NRF1: variants seen among roughly 807,000 people sequenced by gnomAD.
The protein encoded by NRF1 is alpha palindromic-binding protein.
Under a neutral mutation model 58.5 loss-of-function variants are expected in NRF1, and 5 were observed. The observed-to-expected ratio is 0.09, with a 90% confidence interval of 0.04 to 0.18. The LOEUF (loss-of-function observed/expected upper bound fraction) is 0.18. Ranked by LOEUF, NRF1 falls within the 10% of genes least tolerant of loss-of-function variation. NRF1 has a pLI of 1.00. For synonymous variants in NRF1, 224 were observed against 246.7 expected (o/e 0.91, Z 0.86); for missense variants, 288 against 657.7 (o/e 0.44, Z 6.15).
chr7:129,721,396 A>T (rs1368659789), intron 9 of NRF1, among the ~76,000 whole-genome samples: 2 of 152,036 alleles, frequency 1.3e-5, no homozygotes, highest in Non-Finnish European at 2.9e-5. Flanking sequence ...CCTCTTCTCA[A>T]GGAATTTTAG....
At chr7:129,645,047 A>T (rs1288191230) in intron 1 of NRF1, among the ~76,000 whole-genome samples, 1 of 120,598 alleles carries the variant, frequency 8.3e-6, no homozygotes, top group African/African-American at 3.5e-5. Context: ...CACCCAGTGT[A>T]AAAAAAAAAA....
At chr7:129,718,610 C>T (rs1433959827) in intron 9 of NRF1, among the ~76,000 whole-genome samples, 2 of 152,168 alleles carry the variant, frequency 1.3e-5, no homozygotes, top group African/African-American at 4.8e-5. Context: ...GAGTGTAACT[C>T]ACTATTGAAT....
At position 129,756,911 on chromosome 7, in the gene NRF1, G is replaced by A. The variant is rs1299785523; in HGVS notation, c.*1730G>A. 6.6e-6 allele frequency: 1 copy of A among 151,866 alleles called. No individual in the cohort carries two copies. Among genetic ancestry groups the A allele is most frequent in the East Asian group, 1.9e-4 (1 of 5,160 alleles). 9.4% of individuals were successfully genotyped at this position (151,866 alleles called of 1,614,324 possible). The stretch of plus-strand genomic sequence containing the variant: ...TTATCGTCATTGTGAAGTTGTCCAG[G>A]GACTTTAAAGTCCATGTTCCTTTGT... On this transcript the variant is annotated 3_prime_UTR_variant, in exon 11 of 11. Transcript: ENST00000393232.
intron 1 of NRF1, among the ~76,000 whole-genome samples, 181 bp downstream of exon 1, chr7:129,612,005 A>G (rs1445553807): frequency 6.7e-6 from 1 of 148,838 alleles, no homozygotes; most frequent in Non-Finnish European, 1.5e-5. Context: ...GCCCAGCCAA[A>G]CCGCCACCCC....
intron 1 of NRF1, among the ~76,000 whole-genome samples, chr7:129,616,678 C>A (rs953968829): frequency 6.6e-6 from 1 of 152,192 alleles, no homozygotes; most frequent in African/African-American, 2.4e-5. Context: ...TCTCTAAGAG[C>A]AGTCACTTAG....
intron 5 of NRF1, among the ~76,000 whole-genome samples, chr7:129,705,132 T>C (rs553918284): frequency 6.6e-6 from 1 of 152,312 alleles, no homozygotes; most frequent in South Asian, 2.1e-4. Context: ...AAAGATGGCT[T>C]GATGACTGAG....
At chr7:129,663,652 C>T (rs1226274923) in intron 2 of NRF1, among the ~76,000 whole-genome samples, 39 of 144,608 alleles carry the variant, frequency 2.7e-4, no homozygotes, top group Non-Finnish European at 4.7e-4. Flanking sequence ...ACGGGGCGGG[C>T]GGGCAGAGGG....
chr7:129,617,511 A>G (rs1258364003), intron 1 of NRF1, among the ~76,000 whole-genome samples: 1 of 152,248 alleles, frequency 6.6e-6, no homozygotes, highest in Admixed American at 6.5e-5. Flanking sequence ...CCTTAAGTGT[A>G]TTCTCACTTT....
intron 9 of NRF1, among the ~76,000 whole-genome samples, chr7:129,722,520 C>G (rs1803352092): frequency 6.6e-6 from 1 of 152,280 alleles, no homozygotes; most frequent in East Asian, 1.9e-4. Context: ...TGTCTTCATG[C>G]CCCACGTAAA....
intron 5 of NRF1, among the ~76,000 whole-genome samples, chr7:129,707,921 G>T (rs892347938): frequency 6.6e-6 from 1 of 152,090 alleles, no homozygotes; most frequent in African/African-American, 2.4e-5. Flanking sequence ...TTATAAGAAT[G>T]ATAAGAATAC....
intron 1 of NRF1, among the ~76,000 whole-genome samples, chr7:129,635,556 G>C (rs532041948): frequency 6.6e-6 from 1 of 152,258 alleles, no homozygotes; most frequent in South Asian, 2.1e-4. Context: ...AGAAGGGCAA[G>C]GACTGTATCC....
intron 2 of NRF1, among the ~76,000 whole-genome samples, chr7:129,661,408 T>G (rs1801777473): frequency 6.6e-6 from 1 of 151,214 alleles, no homozygotes. Flanking sequence ...TTTTCCAAAC[T>G]TTCATGTTTT....
intron 10 of NRF1, among the ~76,000 whole-genome samples, chr7:129,738,011 T>C (rs1803758247): frequency 6.6e-6 from 1 of 152,158 alleles, no homozygotes; most frequent in Non-Finnish European, 1.5e-5. Flanking sequence ...TAGCTGTGGA[T>C]TTTTAGGCTG....
At chr7:129,683,580 T>G (rs147394885) in intron 4 of NRF1, among the ~76,000 whole-genome samples, 2,557 of 150,700 alleles carry the variant, frequency 0.017, 66 homozygotes, top group African/African-American at 0.059. Flanking sequence ...TCCACCTGCC[T>G]CGGCTTCCCA....
At chr7:129,697,797 C>T (rs71581788) in intron 5 of NRF1, among the ~76,000 whole-genome samples, 2 of 151,850 alleles carry the variant, frequency 1.3e-5, no homozygotes, top group Non-Finnish European at 2.9e-5. Flanking sequence ...TGAAATGGTG[C>T]GATCTCAGCT....
At chr7:129,696,060 T>TTAAAAA (rs777936919) in intron 5 of NRF1, among the ~76,000 whole-genome samples, 6 of 53,380 alleles carry the variant, frequency 1.1e-4, no homozygotes, top group African/African-American at 6.3e-4. Context: ...CCGTCTCTAC[T>TTAAAAA]AAAAAAAAAA....
Position 129,729,867 on chromosome 7 carries a change from TTGCTCTGTC to T in NRF1, c.1348+2503_1348+2511del, listed in dbSNP as rs1803538577. 2.0e-5 allele frequency among the ~76,000 whole-genome samples: 3 copies of T among 152,344 alleles called. No individual in the cohort carries two copies. In the South Asian group the frequency reaches 6.2e-4, roughly 32 times the overall value. ...TGTTTTTGTTTTTTGAGACAGAGTC[TTGCTCTGTC>T]ACCCAGGCTGGAGTGCAGTGGCACA... is the stretch of plus-strand genomic sequence containing the variant. On this transcript the variant is annotated intron_variant, in intron 10 of 10. Transcript: ENST00000393232.
At chr7:129,713,086 G>A (rs1243380157) in intron 8 of NRF1, among the ~76,000 whole-genome samples, 1 of 147,264 alleles carries the variant, frequency 6.8e-6, no homozygotes, top group Non-Finnish European at 1.5e-5. Context: ...TAATGGAGTT[G>A]CGTTTCCTTT....
chr7:129,726,590 G>C (rs1803457427), intron 9 of NRF1, among the ~76,000 whole-genome samples: 1 of 152,146 alleles, frequency 6.6e-6, no homozygotes, highest in African/African-American at 2.4e-5. Flanking sequence ...GACTTGCAGT[G>C]ATAATTTTAA....
Sources: gnomAD v4.1 joint callset for allele counts (sites outside exome capture counted in the v4.1 genomes callset) on GRCh38, gnomAD v4.1.1 for gene constraint, MANE v1.5 for transcripts, NCBI Gene and HGNC (gene_info 2026-07-23, HGNC 2026-07-21) for gene names.